The following PAPOLA variants were observed in gnomAD, a reference collection of about 807,000 sequenced individuals.
The protein encoded by PAPOLA is poly(A) polymerase alpha.
PAPOLA carries 15 observed loss-of-function variants against 100.6 expected under a neutral mutation model. The ratio of observed to expected loss-of-function variants is 0.15; its 90% CI spans 0.10 to 0.23. PAPOLA has a LOEUF of 0.23. Among genes scored for constraint, PAPOLA ranks in the 10% least tolerant of loss-of-function variants. The pLI is 1.00. For missense variants in PAPOLA, 533 were observed against 884.2 expected, an observed-to-expected ratio of 0.60 and a Z score of 5.04; for synonymous variants, 293 against 300.0, an observed-to-expected ratio of 0.98 and a Z score of 0.24.
intron 20 of PAPOLA, among the ~76,000 whole-genome samples, chr14:96,562,005 C>T (rs1239071132): frequency 6.6e-6 from 1 of 151,946 alleles, no homozygotes; most frequent in Non-Finnish European, 1.5e-5. Context: ...AGCAATTCTT[C>T]TGCCTCAGCC....
chr14:96,521,566 T>C (rs1897966921), intron 3 of PAPOLA, among the ~76,000 whole-genome samples: 1 of 152,092 alleles, frequency 6.6e-6, no homozygotes, highest in Non-Finnish European at 1.5e-5. Context: ...TATAGTGCAC[T>C]GTAACCTGAA....
rs371394073 is a variant in PAPOLA at position 96,503,816 on chromosome 14, T to C, written c.8+1216T>C. 3.0e-3 allele frequency among the ~76,000 whole-genome samples: 455 copies of C among 152,314 alleles called. 18 individuals are homozygous for C. The South Asian group carries it at 0.081, about 27-fold the overall frequency. ...GATTGTAGTTTTACAATTATATATG[T>C]GTGTGAATGTGTTTCTTTACAGGTG... On this transcript the variant is annotated intron_variant, in intron 1 of 21. Coordinates refer to ENST00000216277, the MANE Select transcript of PAPOLA (RefSeq NM_032632.5).
chr14:96,528,763 A>G (rs1898728266), intron 6 of PAPOLA, among the ~76,000 whole-genome samples: 1 of 152,206 alleles, frequency 6.6e-6, no homozygotes, highest in African/African-American at 2.4e-5. Context: ...ACTATTTTGC[A>G]AAAAAATGGC....
intron 2 of PAPOLA, 57 bp downstream of exon 2, chr14:96,520,285 A>G: frequency 1.5e-6 from 2 of 1,363,282 alleles, no homozygotes; most frequent in Middle Eastern, 2.1e-4. Flanking sequence ...GTTGACATAA[A>G]CTAATTTTGA....
rs1002391719 is a variant in PAPOLA at position 96,510,548 on chromosome 14, C to A, written c.8+7948C>A. Among the ~76,000 whole-genome samples the A allele has an allele frequency of 3.3e-5, 5 of 152,130 alleles. No homozygotes were observed. In the South Asian group the frequency reaches 1.0e-3, roughly 31 times the overall value. On this transcript the variant is annotated intron_variant, in intron 1 of 21. Transcript: ENST00000216277. ...TGGAAGTGAGGAAAAATAACTTGGC[C>A]ATTGTAGTAATTGAACAGCAAGTAC...
intron 14 of PAPOLA, among the ~76,000 whole-genome samples, chr14:96,543,698 T>C: frequency 6.6e-6 from 1 of 152,092 alleles, no homozygotes; most frequent in Non-Finnish European, 1.5e-5. Flanking sequence ...CACTAATTAC[T>C]CCTGTTATGC....
At chr14:96,535,174 G>A (rs1229490580) in intron 10 of PAPOLA, 1 of 916,374 alleles carries the variant, frequency 1.1e-6, no homozygotes, top group Non-Finnish European at 1.3e-6. Context: ...AGAAATTTAG[G>A]TTTGAATAAG....
At chr14:96,510,244 C>T (rs1176285996) in intron 1 of PAPOLA, among the ~76,000 whole-genome samples, 2 of 152,116 alleles carry the variant, frequency 1.3e-5, no homozygotes, top group East Asian at 3.8e-4. Context: ...ATTTAAATTA[C>T]ATTTCCTGAA....
chr14:96,550,893 C>T (rs1250855814), intron 16 of PAPOLA, among the ~76,000 whole-genome samples: 2 of 152,112 alleles, frequency 1.3e-5, no homozygotes, highest in Non-Finnish European at 2.9e-5. Context: ...AAGCACTGTA[C>T]GAGTCCTTTT....
chr14:96,511,983 T>C (rs1897136508), intron 1 of PAPOLA, among the ~76,000 whole-genome samples: 2 of 152,246 alleles, frequency 1.3e-5, no homozygotes, highest in African/African-American at 4.8e-5. Context: ...AGTTTTTAGC[T>C]AATAACCAAA....
intron 9 of PAPOLA, chr14:96,533,515 G>A: frequency 1.1e-6 from 1 of 951,984 alleles, no homozygotes. Flanking sequence ...CTTATAATCA[G>A]GTGTGATAAG....
chr14:96,523,216 A>G (rs1898151801), intron 3 of PAPOLA, among the ~76,000 whole-genome samples: 1 of 152,202 alleles, frequency 6.6e-6, no homozygotes, highest in African/African-American at 2.4e-5. Flanking sequence ...ATGTTTTTCC[A>G]TGACCTGAAT....
chr14:96,557,345 C>CA (rs1901427570), intron 19 of PAPOLA, among the ~76,000 whole-genome samples: 1 of 152,250 alleles, frequency 6.6e-6, no homozygotes, highest in Admixed American at 6.5e-5. Flanking sequence ...CTATGCTTTG[C>CA]AAGCTGGTAT....
chr14:96,519,613 A>G (rs1410815706), intron 1 of PAPOLA, among the ~76,000 whole-genome samples: 1 of 152,168 alleles, frequency 6.6e-6, no homozygotes, highest in Non-Finnish European at 1.5e-5. Flanking sequence ...AATTTTGTTT[A>G]AGTTTTTGCT....
chr14:96,525,202 A>G, intron 3 of PAPOLA, 108 bp from the exon 4 acceptor site: 1 of 649,420 alleles, frequency 1.5e-6, no homozygotes, highest in Non-Finnish European at 2.8e-6. Context: ...CTTTATATAA[A>G]TTTACACTGT....
intron 9 of PAPOLA, chr14:96,533,618 G>T (rs1181478524): frequency 5.8e-6 from 4 of 689,682 alleles, no homozygotes; most frequent in Admixed American, 1.4e-4. Context: ...GCAGTGGCAC[G>T]ATCTTGGCTC....
At chr14:96,535,147 C>T in intron 10 of PAPOLA, 2 of 946,380 alleles carry the variant, frequency 2.1e-6, no homozygotes, top group Non-Finnish European at 2.5e-6. Flanking sequence ...ACAACATGCA[C>T]TTTATAAACT....
At chr14:96,505,377 T>C (rs1026416201) in intron 1 of PAPOLA, among the ~76,000 whole-genome samples, 1 of 152,222 alleles carries the variant, frequency 6.6e-6, no homozygotes, top group South Asian at 2.1e-4. Context: ...GATGCCCTTA[T>C]GGAAACTAGA....
intron 7 of PAPOLA, 87 bp downstream of exon 7, chr14:96,531,673 A>G (rs1444082899): frequency 5.8e-6 from 9 of 1,538,584 alleles, no homozygotes; most frequent in Non-Finnish European, 5.2e-6. Context: ...GAAGCTTTTT[A>G]TAGCTATATT....
Sources: gnomAD v4.1 joint callset for allele counts (sites outside exome capture counted in the v4.1 genomes callset) on GRCh38, gnomAD v4.1.1 for gene constraint, MANE v1.5 for transcripts, NCBI Gene and HGNC (gene_info 2026-07-23, HGNC 2026-07-21) for gene names.